The following ACACA variants were observed in gnomAD, a reference collection of about 807,000 sequenced individuals.
ACACA encodes acetyl-CoA carboxylase alpha.
In ACACA, 103 loss-of-function variants were observed where a neutral mutation model predicts 296.1. The ratio of observed to expected loss-of-function variants is 0.35; its 90% CI spans 0.30 to 0.41. ACACA has a LOEUF of 0.41. Ranked by LOEUF, ACACA falls within the 10% of genes least tolerant of loss-of-function variation. The pLI is 1.00. For missense variants in ACACA, 1,554 were observed against 2,989.7 expected (o/e 0.52, Z 11.20); for synonymous variants, 953 against 1,038.6 (o/e 0.92, Z 1.58).
intron 25 of ACACA, among the ~76,000 whole-genome samples, chr17:37,229,148 A>G (rs1439810466): frequency 2.0e-5 from 3 of 150,930 alleles, no homozygotes; most frequent in African/African-American, 7.4e-5. Flanking sequence ...CGTCTCAAAA[A>G]AAAAAAAAAA....
chr17:37,257,969 G>A (rs1223414946), intron 13 of ACACA, 103 bp from the exon 14 acceptor site: 21 of 1,444,808 alleles, frequency 1.5e-5, no homozygotes, highest in Non-Finnish European at 2.0e-5. Flanking sequence ...CAGAAGCAGA[G>A]AAGACACACA....
At chr17:37,233,864 C>A (rs1335158667) in intron 25 of ACACA, among the ~76,000 whole-genome samples, 1 of 152,126 alleles carries the variant, frequency 6.6e-6, no homozygotes, top group Non-Finnish European at 1.5e-5. Context: ...TCTCGTTTCC[C>A]TACCATCTAG....
chr17:37,102,199 C>CTTTTTTTT (rs35050543), intron 52 of ACACA, among the ~76,000 whole-genome samples: 4 of 106,092 alleles, frequency 3.8e-5, no homozygotes, highest in Non-Finnish European at 5.5e-5. Context: ...GCATCCAGCT[C>CTTTTTTTT]TTTTTTTTTT....
At chr17:37,308,098 T>A (rs112109916) in intron 3 of ACACA, among the ~76,000 whole-genome samples, 3,083 of 152,286 alleles carry the variant, frequency 0.02, 58 homozygotes, top group Non-Finnish European at 0.033. Flanking sequence ...AAAGTATCAA[T>A]AAATTTCAAA....
intron 54 of ACACA, among the ~76,000 whole-genome samples, chr17:37,094,690 C>A (rs564566019): frequency 6.6e-6 from 1 of 151,896 alleles, no homozygotes; most frequent in East Asian, 2.0e-4. Context: ...GATTTTATCA[C>A]CCACCTCACA....
At chr17:37,251,335 G>A (rs1473572702) in intron 16 of ACACA, among the ~76,000 whole-genome samples, 1 of 152,132 alleles carries the variant, frequency 6.6e-6, no homozygotes, top group African/African-American at 2.4e-5. Context: ...CTTATCATAG[G>A]ACTTGAATAA....
chr17:37,265,694 G>A (rs1269022456), intron 10 of ACACA, among the ~76,000 whole-genome samples: 3 of 152,136 alleles, frequency 2.0e-5, no homozygotes, highest in African/African-American at 7.2e-5. Flanking sequence ...TTACTCCAGG[G>A]TCAGGAATGC....
chr17:37,313,206 C>T (rs1647258241), intron 3 of ACACA, among the ~76,000 whole-genome samples: 1 of 151,764 alleles, frequency 6.6e-6, no homozygotes, highest in South Asian at 2.1e-4. Context: ...GGCTTAATAC[C>T]AAGGTGATGG....
intron 10 of ACACA, among the ~76,000 whole-genome samples, chr17:37,266,259 C>T (rs1185542379): frequency 6.6e-6 from 1 of 151,880 alleles, no homozygotes; most frequent in East Asian, 1.9e-4. Flanking sequence ...AGTCAAAACA[C>T]AAAAACTAGC....
chr17:37,162,686 T>C (rs1056132921), intron 41 of ACACA: 2 of 284,898 alleles, frequency 7.0e-6, no homozygotes, highest in Non-Finnish European at 1.3e-5. Context: ...AAATGCCACA[T>C]GCTGCCCTTC....
At chr17:37,316,573 G>A (rs1319348483) in intron 3 of ACACA, among the ~76,000 whole-genome samples, 5 of 152,138 alleles carry the variant, frequency 3.3e-5, no homozygotes, top group African/African-American at 9.7e-5. Flanking sequence ...GTGGAGAAAG[G>A]GGAAACCTCG....
At chr17:37,356,861 A>G (rs2049165721) in intron 1 of ACACA, among the ~76,000 whole-genome samples, 1 of 152,182 alleles carries the variant, frequency 6.6e-6, no homozygotes, top group Admixed American at 6.5e-5. Flanking sequence ...TAGCCATCCA[A>G]TTAAAGGAAA....
chr17:37,252,066 G>A lies in ACACA; in HGVS notation c.2020C>T (p.Leu674Phe). ...CGCAGGCTCACATCTGCCACGTGGA[G>A]GGCACCACACACAACCCCCAACATG... is the stretch of plus-strand genomic sequence containing the variant. ...DTMLGVVCGA[L>F]HVADVSLRNS... Residue 674 changes from leucine to phenylalanine, a missense_variant, in exon 16 of 56, where the codon CTC becomes TTC. Around this residue, in one of 16 missense-constraint regions of ACACA, gnomAD observed 316 missense variants for 540.9 expected, o/e 0.58. Transcript: ENST00000616317. 1 of 1,614,168 alleles carries A rather than the reference G, an allele frequency of 6.2e-7. No homozygotes were observed. Among genetic ancestry groups the A allele is most frequent in the Non-Finnish European group, 8.5e-7 (1 of 1,180,036 alleles).
intron 29 of ACACA, 184 bp downstream of exon 29, chr17:37,221,540 C>A: frequency 1.5e-6 from 1 of 675,240 alleles, no homozygotes; most frequent in African/African-American, 1.8e-5. Context: ...TTACTTAGAC[C>A]ATAATTTTTC....
intron 45 of ACACA, among the ~76,000 whole-genome samples, chr17:37,139,877 C>T (rs2075491143): frequency 6.6e-6 from 1 of 152,148 alleles, no homozygotes; most frequent in African/African-American, 2.4e-5. Context: ...GAGACAAGAC[C>T]AGACTCTGAA....
In ACACA at chr17:37,257,582, CA is replaced by C. The variant is rs531108059; in HGVS notation, c.1826+120del. The C allele has an allele frequency of 2.3e-4, 223 of 984,026 alleles. 2 individuals are homozygous for C. The African/African-American group carries it at 3.5e-3, about 15-fold the overall frequency. The allele number at this position is 984,026 out of a possible 1,614,324, so 61.0% of individuals were successfully genotyped here. On this transcript the variant is annotated intron_variant, in intron 14 of 55. Transcript: ENST00000616317. ...TAATTAAAGATATTCAAAATTTCTT[CA>C]AAAAGGTTGTTCATATTATTACTTT...
Position 37,234,573 on chromosome 17 carries a change from A to T in ACACA, c.3246+402T>A, listed in dbSNP as rs956854630. 7.2e-5 allele frequency among the ~76,000 whole-genome samples: 11 copies of T among 151,920 alleles called. No homozygotes were observed. In the South Asian group the frequency reaches 8.3e-4, roughly 11 times the overall value. ...GAGGGGGAGTGCTGGATTTCTATTT[A>T]TTTTTTTTCAAGTTTGACATGAGAG... On this transcript the variant is annotated intron_variant, in intron 25 of 55. Coordinates refer to ENST00000616317, the MANE Select transcript of ACACA (RefSeq NM_198834.3).
chr17:37,214,886 T>A (rs997044512), intron 29 of ACACA, among the ~76,000 whole-genome samples: 4 of 152,232 alleles, frequency 2.6e-5, no homozygotes, highest in Non-Finnish European at 5.9e-5. Flanking sequence ...TTGGATGACT[T>A]CTGAGTATCT....
At chr17:37,397,382 C>G (rs2051116869) in intron 1 of ACACA, among the ~76,000 whole-genome samples, 1 of 152,046 alleles carries the variant, frequency 6.6e-6, no homozygotes, top group African/African-American at 2.4e-5. Flanking sequence ...AACAAAGCAC[C>G]ATGTTCATAG....
Sources: gnomAD v4.1 joint callset for allele counts (sites outside exome capture counted in the v4.1 genomes callset) on GRCh38, gnomAD v4.1.1 for gene constraint, gnomAD v4.1.1 regional missense constraint, MANE v1.5 for transcripts, NCBI Gene and HGNC (gene_info 2026-07-23, HGNC 2026-07-21) for gene names.